Variants in STARD9 observed in about 807,000 individuals in gnomAD.
STARD9 encodes the protein StAR related lipid transfer domain containing 9.
Under a neutral mutation model 399.8 loss-of-function variants are expected in STARD9, and 346 were observed. That is an observed-to-expected ratio of 0.87 (90% CI 0.79 to 0.95). The LOEUF (loss-of-function observed/expected upper bound fraction) is 0.95. Ranked by LOEUF, STARD9 falls within the 40% of genes least tolerant of loss-of-function variation. The pLI is 0.00. For synonymous variants in STARD9, 2,203 were observed against 2,143.5 expected (o/e 1.03, Z -0.77); for missense variants, 5,832 against 5,667.5 (o/e 1.03, Z -0.93).
At chr15:42,647,931 A>G (rs1171955032) in intron 7 of STARD9, among the ~76,000 whole-genome samples, 36 of 152,236 alleles carry the variant, frequency 2.4e-4, no homozygotes, top group Admixed American at 2.4e-3. Context: ...AACATAGACC[A>G]TTGATTTATC....
intron 24 of STARD9, 114 bp from the exon 25 acceptor site, chr15:42,695,026 G>A (rs2140307718): frequency 1.1e-6 from 1 of 922,858 alleles, no homozygotes. Flanking sequence ...AACCCTGTGG[G>A]CAAATGGAGG....
At position 42,585,638 on chromosome 15, in the gene STARD9, G is replaced by T; in HGVS notation, c.234+1G>T. 6.7e-7 allele frequency: 1 copy of T among 1,501,958 alleles called. No homozygotes were observed. 93.0% of individuals were successfully genotyped at this position (1,501,958 alleles called of 1,614,324 possible). A position where few individuals can be genotyped will look rare whatever the true frequency, so the allele number is the denominator to read the frequency against. On this transcript the variant is annotated splice_donor_variant, in intron 3 of 32. Transcript: ENST00000290607. LOFTEE classifies it high-confidence loss of function. ...TCCCCAGTATGCATCTCAAGATGTG[G>T]TAATATCATTTATCATTTTTCTTTC...
chr15:42,685,380 G>A lies in STARD9; in HGVS notation c.3802G>A (p.Val1268Ile), dbSNP rs1049893502. Residue 1268 changes from valine to isoleucine, a missense_variant, in exon 23 of 33, where the codon GTC (valine) becomes ATC (isoleucine). Coordinates refer to ENST00000290607, the MANE Select transcript of STARD9 (RefSeq NM_020759.3). Reference protein sequence around the residue: ...NYRTAARLDAVLPMSSSFYLD... With the variant: ...NYRTAARLDAILPMSSSFYLD... Reference sequence around the variant, plus strand: ...CAGAACAGCAGCTAGGCTGGATGCCGTCCTGCCAATGAGCAGTTCGTTTTA... The same window carrying A: ...CAGAACAGCAGCTAGGCTGGATGCCATCCTGCCAATGAGCAGTTCGTTTTA... The A allele has an allele frequency of 2.9e-5, 45 of 1,536,842 alleles. No individual in the cohort carries two copies. The highest frequency in any genetic ancestry group is 1.7e-4 in the Middle Eastern group (1 of 6,010).
chr15:42,583,183 T>A (rs1347268738), intron 1 of STARD9, among the ~76,000 whole-genome samples, 163 bp from the exon 2 acceptor site: 1 of 152,208 alleles, frequency 6.6e-6, no homozygotes, highest in Non-Finnish European at 1.5e-5. Flanking sequence ...GCATGCCAGC[T>A]AGGGGACTGC....
intron 3 of STARD9, among the ~76,000 whole-genome samples, chr15:42,605,307 A>G (rs2058705654): frequency 1.3e-5 from 2 of 152,162 alleles, no homozygotes; most frequent in Middle Eastern, 3.2e-3. Flanking sequence ...ACAGTTTCTT[A>G]TTTTTCAAGT....
intron 3 of STARD9, among the ~76,000 whole-genome samples, chr15:42,598,594 A>G (rs145928460): frequency 1.0e-3 from 157 of 152,142 alleles, no homozygotes; most frequent in African/African-American, 3.6e-3. Flanking sequence ...TAGTTCATCT[A>G]TTTTTTATTG....
Position 42,690,424 on chromosome 15 carries a change from G to T in STARD9, c.8846G>T (p.Arg2949Ile), listed in dbSNP as rs1363358955. 1 of 1,537,074 alleles carries T rather than the reference G, an allele frequency of 6.5e-7. No homozygotes were observed. Among genetic ancestry groups the T allele is most frequent in the Non-Finnish European group, 8.7e-7 (1 of 1,146,898 alleles). The change falls in exon 23 of 33, where the codon AGA becomes ATA. Residue 2949 changes from arginine to isoleucine, a missense_variant. Around this residue, in one of 2 missense-constraint regions of STARD9, gnomAD observed 5,828 missense variants for 5,651.1 expected, o/e 1.03. Coordinates refer to ENST00000290607, the MANE Select transcript of STARD9 (RefSeq NM_020759.3). ...TLSPSRGKES[R>I]TLPCRQPCSS... ...AGCCCGTCTAGAGGGAAAGAGAGCA[G>T]AACTCTTCCTTGCCGACAGCCATGC...
rs202111328 is a variant in STARD9, at chr15:42,709,457, C to T, written c.13285-7220C>T. Among the ~76,000 whole-genome samples, 71 of 152,256 alleles carry T rather than the reference C, an allele frequency of 4.7e-4. No individual in the cohort carries two copies. The East Asian group carries it at 7.0e-3, about 15-fold the overall frequency. ...ATCCCAGCACTTTGGGAGGCAGAGG[C>T]GGGCGGATCACGAGGTCAGGAGTTC... On this transcript the variant is annotated intron_variant, in intron 26 of 32. Transcript: ENST00000290607.
chr15:42,656,762 GCTAAACTA>G (rs2059881688), intron 9 of STARD9, among the ~76,000 whole-genome samples: 1 of 152,152 alleles, frequency 6.6e-6, no homozygotes, highest in Admixed American at 6.6e-5. Flanking sequence ...ATAAATGGGA[GCTAAACTA>G]TGAGGACACA....
At chr15:42,597,573 G>T (rs1274154921) in intron 3 of STARD9, among the ~76,000 whole-genome samples, 1 of 151,782 alleles carries the variant, frequency 6.6e-6, no homozygotes, top group Non-Finnish European at 1.5e-5. Context: ...GTCTCGCTCT[G>T]TTGCCCAGAC....
intron 3 of STARD9, among the ~76,000 whole-genome samples, chr15:42,629,164 T>C (rs891321410): frequency 6.6e-6 from 1 of 151,948 alleles, no homozygotes; most frequent in Non-Finnish European, 1.5e-5. Context: ...GGACTATAGG[T>C]ATACACCACT....
At position 42,712,064 on chromosome 15, in the gene STARD9, T is replaced by A. The variant is rs868289185; in HGVS notation, c.13285-4613T>A. 2.1e-3 allele frequency among the ~76,000 whole-genome samples: 100 copies of A among 48,746 alleles called. 3 individuals are homozygous for A. In the African/African-American group the frequency reaches 0.022, roughly 11 times the overall value. The allele number at this position is 48,746 out of a possible 152,430, so 32.0% of individuals were successfully genotyped here. A position where few individuals can be genotyped will look rare whatever the true frequency, so the allele number is the denominator to read the frequency against. On this transcript the variant is annotated intron_variant, in intron 26 of 32. Coordinates refer to ENST00000290607, the MANE Select transcript of STARD9 (RefSeq NM_020759.3). ...ATGGCTAATGGTGTTGAGCATCTTTTTATATATATATATATATTATATATA... is the reference window on the plus strand; with the variant it reads ...ATGGCTAATGGTGTTGAGCATCTTTATATATATATATATATATTATATATA...
intron 7 of STARD9, among the ~76,000 whole-genome samples, chr15:42,639,835 G>T (rs1275647793): frequency 6.6e-6 from 1 of 151,260 alleles, no homozygotes; most frequent in Non-Finnish European, 1.5e-5. Context: ...CTGCACTCCA[G>T]CCTGTGCGAC....
Position 42,693,640 on chromosome 15 carries a change from G to A in STARD9, c.12062G>A (p.Arg4021Lys). The part of the protein sequence containing the change: ...VQSRLLPPPL[R>K]HRSQRLGNSF... ...AGCAGACTGCTGCCACCACCACTGA[G>A]GCACAGGAGCCAAAGGCTGGGCAAC... The change falls in exon 23 of 33, where the codon AGG becomes AAG. Residue 4021 changes from arginine to lysine, a missense_variant. Coordinates refer to ENST00000290607, the MANE Select transcript of STARD9 (RefSeq NM_020759.3). The A allele has an allele frequency of 2.0e-6, 3 of 1,537,264 alleles. No homozygotes were observed. The highest frequency in any genetic ancestry group is 1.4e-5 in the African/African-American group (1 of 73,188).
chr15:42,604,626 A>ATTTTTTTTTTTTTTTTTTTTTTTTTTTTT (rs11349330), intron 3 of STARD9, among the ~76,000 whole-genome samples: 2 of 54,710 alleles, frequency 3.7e-5, no homozygotes, highest in Non-Finnish European at 7.1e-5. Flanking sequence ...GATCAAATTG[A>ATTTTTTTTTTTTTTTTTTTTTTTTTTTTT]TTTTTTTTTT....
intron 7 of STARD9, among the ~76,000 whole-genome samples, chr15:42,643,904 T>C (rs1418479824): frequency 2.6e-5 from 4 of 152,238 alleles, no homozygotes; most frequent in Non-Finnish European, 5.9e-5. Context: ...CTCATGGATT[T>C]AGAAGTGTGT....
At chr15:42,629,936 T>A (rs2059295937) in intron 3 of STARD9, 1 of 152,118 alleles carries the variant, frequency 6.6e-6, no homozygotes, top group African/African-American at 2.4e-5. Flanking sequence ...GATTTGCATA[T>A]GTTGAGTCAT....
intron 3 of STARD9, among the ~76,000 whole-genome samples, chr15:42,620,163 AAAGGAAGAAGCTGAGGCAAAAT>A (rs1445106211): frequency 6.6e-6 from 1 of 152,176 alleles, no homozygotes; most frequent in African/African-American, 2.4e-5. Context: ...AGTTGACCTA[AAAGGAAGAAGCTGAGGCAAAAT>A]AAGCAGAAAG....
chr15:42,617,348 A>G (rs2058985573), intron 3 of STARD9, among the ~76,000 whole-genome samples: 1 of 152,176 alleles, frequency 6.6e-6, no homozygotes, highest in South Asian at 2.1e-4. Context: ...ATAGGGTGAT[A>G]ACTATTACCT....
Sources: allele counts gnomAD v4.1 joint callset (sites outside exome capture counted in the v4.1 genomes callset), GRCh38; gene constraint gnomAD v4.1.1; regional missense constraint gnomAD v4.1.1; transcripts MANE v1.5; gene names NCBI Gene and HGNC (gene_info 2026-07-23, HGNC 2026-07-21).